ZNF175: variants seen among roughly 807,000 people sequenced by gnomAD.
ZNF175 encodes the protein zinc finger protein OTK18.
A neutral mutation model predicts 14.0 loss-of-function variants in ZNF175; 8 were observed. That is an observed-to-expected ratio of 0.57 (90% CI 0.34 to 1.03). ZNF175 has a LOEUF of 1.03. Ranked by LOEUF, ZNF175 falls within the 50% of genes least tolerant of loss-of-function variation. The pLI is 0.03. For missense variants in ZNF175, 764 were observed against 849.5 expected, an observed-to-expected ratio of 0.90 and a Z score of 1.25; for synonymous variants, 255 against 296.8, an observed-to-expected ratio of 0.86 and a Z score of 1.45.
Position 51,586,719 on chromosome 19 carries a change from T to TC in ZNF175, c.389dup (p.Trp131MetfsTer13). The TC allele has an allele frequency of 1.9e-6, 3 of 1,614,210 alleles. No individual in the cohort carries two copies. The highest frequency in any genetic ancestry group is 4.5e-5 in the East Asian group (2 of 44,880). On this transcript the variant is annotated frameshift_variant, in exon 5 of 5. Transcript: ENST00000262259. LOFTEE classifies it low-confidence loss of function (END_TRUNC). ...GGTAGGTGAGTTCACAAGAGATGGT[T>TC]CATGGTGTTCCATTTTAGAAGAACT...
At position 51,577,128 on chromosome 19, in the gene ZNF175, T is replaced by C. The variant is rs142839118; in HGVS notation, c.72+3727T>C. Among the ~76,000 whole-genome samples the C allele has an allele frequency of 1.5e-4, 23 of 152,300 alleles. No homozygotes were observed. The East Asian group carries it at 4.4e-3, about 29-fold the overall frequency. On this transcript the variant is annotated intron_variant, in intron 2 of 4. Coordinates refer to ENST00000262259, the MANE Select transcript of ZNF175 (RefSeq NM_007147.4). ...TGAAATGATATGAAAATGAATGATATGAAAATGTCACGCCAAAAAGCAAAG... is the reference window on the plus strand; with the variant it reads ...TGAAATGATATGAAAATGAATGATACGAAAATGTCACGCCAAAAAGCAAAG...
intron 2 of ZNF175, among the ~76,000 whole-genome samples, chr19:51,574,803 G>T (rs1054857240): frequency 2.0e-5 from 3 of 152,166 alleles, no homozygotes; most frequent in Admixed American, 2.0e-4. Context: ...AGCGTTTTAG[G>T]ACACATGTTC....
intron 4 of ZNF175, among the ~76,000 whole-genome samples, chr19:51,582,938 C>G (rs982560805): frequency 1.3e-5 from 2 of 152,064 alleles, no homozygotes; most frequent in Non-Finnish European, 2.9e-5. Context: ...TCACCGCAAC[C>G]TCCGCCTCCC....
chr19:51,577,811 C>A (rs574207920), intron 2 of ZNF175, among the ~76,000 whole-genome samples: 5 of 151,768 alleles, frequency 3.3e-5, no homozygotes, highest in African/African-American at 4.8e-5. Context: ...CTAAAGGCGC[C>A]CGCCACCACA....
At chr19:51,581,701 T>G (rs1415146059) in intron 3 of ZNF175, 86 bp from the exon 4 acceptor site, 4 of 1,545,170 alleles carry the variant, frequency 2.6e-6, no homozygotes, top group Non-Finnish European at 3.5e-6. Context: ...TGTTGACTTT[T>G]CTAATGAGCC....
intron 4 of ZNF175, 144 bp downstream of exon 4, chr19:51,582,026 G>A (rs1319842797): frequency 4.1e-6 from 3 of 736,910 alleles, no homozygotes; most frequent in Non-Finnish European, 6.7e-6. Context: ...CACTGTAAAT[G>A]TGCTATAAAT....
At chr19:51,584,099 C>T (rs1032277112) in intron 4 of ZNF175, among the ~76,000 whole-genome samples, 6 of 152,280 alleles carry the variant, frequency 3.9e-5, no homozygotes, top group Admixed American at 3.3e-4. Flanking sequence ...AGGACAATGG[C>T]ATTAAATGTT....
At chr19:51,580,749 TC>T (rs1363639813) in intron 2 of ZNF175, among the ~76,000 whole-genome samples, 1 of 152,162 alleles carries the variant, frequency 6.6e-6, no homozygotes, top group Non-Finnish European at 1.5e-5. Flanking sequence ...GCTGTCTGCT[TC>T]TCCCTGAATT....
chr19:51,587,404 C>A lies in ZNF175; in HGVS notation c.1073C>A (p.Thr358Asn). ...SELLTHQKTH[T>N]RKKPYKCHDC... Reference sequence around the variant, plus strand: ...TTGCTTACGCACCAGAAAACACACACTAGAAAGAAGCCCTATAAATGCCAT... The same window carrying A: ...TTGCTTACGCACCAGAAAACACACAATAGAAAGAAGCCCTATAAATGCCAT... The change falls in exon 5 of 5, where the codon ACT becomes AAT. Residue 358 changes from threonine to asparagine, a missense_variant. By Grantham distance (65) the Thr-to-Asn change is moderately conservative (BLOSUM62 0). Coordinates refer to ENST00000262259, the MANE Select transcript of ZNF175 (RefSeq NM_007147.4). 1 of 1,614,120 alleles carries A rather than the reference C, an allele frequency of 6.2e-7. No individual in the cohort carries two copies. The highest frequency in any genetic ancestry group is 1.1e-5 in the South Asian group (1 of 91,064).
intron 2 of ZNF175, among the ~76,000 whole-genome samples, chr19:51,579,945 CGAT>C (rs1322364829): frequency 3.3e-5 from 5 of 150,618 alleles, no homozygotes; most frequent in African/African-American, 1.2e-4. Flanking sequence ...CATCTCATCT[CGAT>C]GATTTTTAAA....
At chr19:51,574,652 G>C (rs571726198) in intron 2 of ZNF175, among the ~76,000 whole-genome samples, 1 of 152,316 alleles carries the variant, frequency 6.6e-6, no homozygotes, top group South Asian at 2.1e-4. Flanking sequence ...CTGGGCAATA[G>C]AGTGAGACCC....
intron 2 of ZNF175, among the ~76,000 whole-genome samples, chr19:51,576,010 A>G (rs1365052432): frequency 6.6e-6 from 1 of 152,100 alleles, no homozygotes; most frequent in Non-Finnish European, 1.5e-5. Flanking sequence ...GGAGCACACA[A>G]TTTTATGGAT....
Position 51,573,416 on chromosome 19 carries a change from C to G in ZNF175, c.72+15C>G. On this transcript the variant is annotated intron_variant, in intron 2 of 4. Coordinates refer to ENST00000262259, the MANE Select transcript of ZNF175 (RefSeq NM_007147.4). ...GATCTTGCGAGGTAAACAGGGGCAG[C>G]CCTGGGGATAGTTCTCCAGAACGTG... The G allele has an allele frequency of 6.2e-7, 1 of 1,612,446 alleles. No homozygotes were observed.
At chr19:51,581,966 C>A in intron 4 of ZNF175, 84 bp downstream of exon 4, 1 of 1,280,034 alleles carries the variant, frequency 7.8e-7, no homozygotes, top group Non-Finnish European at 1.1e-6. Context: ...TCCCTCCATT[C>A]CCCCAGTGAT....
In ZNF175 at chr19:51,587,804, T is replaced by C; in HGVS notation, c.1473T>C (p.Asp491=). 6.2e-7 allele frequency: 1 copy of C among 1,614,110 alleles called. No individual in the cohort carries two copies. The highest frequency in any genetic ancestry group is 8.5e-7 in the Non-Finnish European group (1 of 1,180,012). Residue 491 remains aspartate, a synonymous_variant, in exon 5 of 5, where the codon GAT becomes GAC. Transcript: ENST00000262259. ...GKSFISKSQL[D]IHHRIHTGEK... is the part of the protein sequence containing the mutation. ...CCTTCATTTCCAAGTCACAGCTTGA[T>C]ATACATCATCGAATTCATACAGGGG... is the stretch of plus-strand genomic sequence containing the variant.
rs1205669073 is a variant in ZNF175, at chr19:51,588,410, T to C, written c.2079T>C (p.His693=). ...ACTTCAATAAACACCAAACAACTCA[T>C]ACCAGAGACAAATCTTACAAATGCA... ...RSNFNKHQTT[H]TRDKSYKCSY... is the part of the protein sequence containing the mutation. The change falls in exon 5 of 5, where the codon CAT becomes CAC. Residue 693 remains histidine (H), a synonymous_variant. Coordinates refer to ENST00000262259, the MANE Select transcript of ZNF175 (RefSeq NM_007147.4). The C allele has an allele frequency of 1.3e-5, 21 of 1,598,896 alleles. No homozygotes were observed. The highest frequency in any genetic ancestry group is 1.8e-5 in the Non-Finnish European group (21 of 1,174,896).
At position 51,589,810 on chromosome 19, in the gene ZNF175, C is replaced by A; in HGVS notation, c.*1343C>A. On this transcript the variant is annotated 3_prime_UTR_variant, in exon 5 of 5. Transcript: ENST00000262259. Reference sequence around the variant, plus strand: ...AGTTTTGGCGGAGATCAAATAGCCCCCAAGCTGGAAACTGAAAATATCTAC... The same window carrying A: ...AGTTTTGGCGGAGATCAAATAGCCCACAAGCTGGAAACTGAAAATATCTAC... 1.8e-6 allele frequency: 1 copy of A among 554,900 alleles called. No individual in the cohort carries two copies. The highest frequency in any genetic ancestry group is 3.5e-5 in the Admixed American group (1 of 28,840). 34.4% of individuals were successfully genotyped at this position (554,900 alleles called of 1,614,324 possible). A position where few individuals can be genotyped will look rare whatever the true frequency, so the allele number is the denominator to read the frequency against.
chr19:51,576,819 C>T lies in ZNF175; in HGVS notation c.72+3418C>T, dbSNP rs574547929. 1.2e-4 allele frequency among the ~76,000 whole-genome samples: 18 copies of T among 152,198 alleles called. No individual in the cohort carries two copies. The East Asian group carries it at 2.3e-3, about 20-fold the overall frequency. Reference sequence around the variant, plus strand: ...TTGAATCCTTTGGCTTTCTCTTCCACGGTTTACCGTTACTCTCATTTCGTG... The same window carrying T: ...TTGAATCCTTTGGCTTTCTCTTCCATGGTTTACCGTTACTCTCATTTCGTG... On this transcript the variant is annotated intron_variant, in intron 2 of 4. Transcript: ENST00000262259.
rs532838869 is a variant in ZNF175 at position 51,588,076 on chromosome 19, C to A, written c.1745C>A (p.Thr582Lys). The A allele has an allele frequency of 9.9e-6, 16 of 1,614,054 alleles. No individual in the cohort carries two copies. The East Asian group carries it at 3.3e-4, about 34-fold the overall frequency. ...TTCAAAGAGCATCAGCGAATTCACACGGGTGAGAAACCCTATGTGTGCACT... is the reference window on the plus strand; with the variant it reads ...TTCAAAGAGCATCAGCGAATTCACAAGGGTGAGAAACCCTATGTGTGCACT... ...SQFKEHQRIH[T>K]GEKPYVCTEC... is the part of the protein sequence containing the mutation. The change falls in exon 5 of 5, where the codon ACG (threonine) becomes AAG (lysine). Residue 582 changes from threonine (T) to lysine (K), a missense_variant. Thr to Lys is a moderately conservative substitution (Grantham distance 78). Coordinates refer to ENST00000262259, the MANE Select transcript of ZNF175 (RefSeq NM_007147.4).
Sources: gnomAD v4.1 joint callset for allele counts (sites outside exome capture counted in the v4.1 genomes callset) on GRCh38, gnomAD v4.1.1 for gene constraint, MANE v1.5 for transcripts, NCBI Gene and HGNC (gene_info 2026-07-23, HGNC 2026-07-21) for gene names.